NTRK2: variants seen among roughly 807,000 people sequenced by gnomAD.
NTRK2 encodes neurotrophic receptor tyrosine kinase 2.
Under a neutral mutation model 94.5 loss-of-function variants are expected in NTRK2, and 13 were observed. The observed-to-expected ratio is 0.14, with a 90% CI of 0.09 to 0.22. The LOEUF (loss-of-function observed/expected upper bound fraction) is 0.22, where lower values mean the gene tolerates loss of function less well. NTRK2 is among the 10% of genes least tolerant of loss of function. The probability of loss-of-function intolerance (pLI) is 1.00; values close to 1 mark genes in which losing one functional copy is unlikely to be tolerated. For missense variants in NTRK2, 639 were observed against 1,071.2 expected (o/e 0.60, Z 5.63); for synonymous variants, 372 against 407.4 (o/e 0.91, Z 1.05).
chr9:84,979,037 C>A (rs999758732), intron 17 of NTRK2, among the ~76,000 whole-genome samples: 5 of 152,256 alleles, frequency 3.3e-5, no homozygotes, highest in African/African-American at 1.2e-4. Flanking sequence ...GGTTACCCAA[C>A]AGCAATGATG....
chr9:84,818,682 G>A (rs1452363111), intron 12 of NTRK2, among the ~76,000 whole-genome samples: 1 of 152,168 alleles, frequency 6.6e-6, no homozygotes, highest in East Asian at 1.9e-4. Context: ...ATTGCCTTCA[G>A]GTGAATTTTC....
intron 12 of NTRK2, among the ~76,000 whole-genome samples, chr9:84,838,789 G>A (rs1277942377): frequency 6.6e-6 from 1 of 151,912 alleles, no homozygotes; most frequent in Non-Finnish European, 1.5e-5. Context: ...AATAAATGGT[G>A]GCTTATTTAC....
At chr9:85,002,953 G>C (rs891743430) in intron 17 of NTRK2, among the ~76,000 whole-genome samples, 13 of 152,212 alleles carry the variant, frequency 8.5e-5, no homozygotes, top group African/African-American at 3.1e-4. Context: ...AGGGGCTCCA[G>C]TAGGTGGCCT....
At chr9:84,950,055 G>A (rs2078727159) in intron 16 of NTRK2, among the ~76,000 whole-genome samples, 1 of 152,228 alleles carries the variant, frequency 6.6e-6, no homozygotes, top group Non-Finnish European at 1.5e-5. Context: ...GTGACCTCAG[G>A]CAAGTCTCTT....
intron 17 of NTRK2, among the ~76,000 whole-genome samples, chr9:85,009,614 C>G (rs919960351): frequency 3.3e-5 from 5 of 152,156 alleles, no homozygotes; most frequent in African/African-American, 9.7e-5. Flanking sequence ...GTCTTCAGCT[C>G]AGAGCATGGC....
At chr9:84,902,749 G>A (rs977280791) in intron 14 of NTRK2, among the ~76,000 whole-genome samples, 1 of 152,084 alleles carries the variant, frequency 6.6e-6, no homozygotes, top group African/African-American at 2.4e-5. Flanking sequence ...CTTTCTATGT[G>A]ATAACAGAGA....
rs1378527196 is a variant in NTRK2, at chr9:84,809,897, A to AG, written c.1397-51143_1397-51142insG. On this transcript the variant is annotated intron_variant, in intron 12 of 18. Transcript: ENST00000277120. ...ACTCTGTCTGGAAAAAAAAAAAAAA[A>AG]AAAAAGAAAGAAGAGAGAAGAATCT... 5.3e-5 allele frequency among the ~76,000 whole-genome samples: 8 copies of AG among 150,840 alleles called. No individual in the cohort carries two copies. The South Asian group carries it at 1.7e-3, about 32-fold the overall frequency.
At chr9:84,732,545 G>T (rs2062964313) in intron 9 of NTRK2, among the ~76,000 whole-genome samples, 1 of 152,114 alleles carries the variant, frequency 6.6e-6, no homozygotes, top group African/African-American at 2.4e-5. Flanking sequence ...CAATCCTTTG[G>T]TTATTTTCAG....
At chr9:84,745,987 G>A (rs2064032752) in intron 11 of NTRK2, among the ~76,000 whole-genome samples, 1 of 152,024 alleles carries the variant, frequency 6.6e-6, no homozygotes, top group South Asian at 2.1e-4. Context: ...ACTGTCATAT[G>A]CACACAGAGC....
chr9:84,905,727 C>T (rs911285547), intron 14 of NTRK2, among the ~76,000 whole-genome samples: 4 of 151,984 alleles, frequency 2.6e-5, no homozygotes, highest in Non-Finnish European at 5.9e-5. Context: ...CTGGGAGTGT[C>T]AGGTAGGTGG....
intron 12 of NTRK2, among the ~76,000 whole-genome samples, chr9:84,825,090 G>C (rs1249651750): frequency 2.0e-5 from 3 of 151,552 alleles, no homozygotes; most frequent in Non-Finnish European, 2.9e-5. Context: ...TCCAACTCCT[G>C]GATTACCCAG....
intron 14 of NTRK2, among the ~76,000 whole-genome samples, chr9:84,903,827 A>G (rs2077001427): frequency 6.6e-6 from 1 of 152,056 alleles, no homozygotes. Flanking sequence ...ATGCTTCATC[A>G]GTGAACCTGT....
chr9:84,815,522 T>TC, intron 12 of NTRK2: 1 of 1,016,012 alleles, frequency 9.8e-7, no homozygotes. Context: ...TGCCCTGTTT[T>TC]TTTTTTTTTT....
chr9:84,871,725 A>G, intron 14 of NTRK2: 2 of 1,397,026 alleles, frequency 1.4e-6, no homozygotes, highest in Non-Finnish European at 2.0e-6. Context: ...TTGTAGAGCA[A>G]TCTGAACAGG....
At chr9:84,772,281 T>C (rs1223035133) in intron 12 of NTRK2, among the ~76,000 whole-genome samples, 1 of 152,020 alleles carries the variant, frequency 6.6e-6, no homozygotes, top group East Asian at 1.9e-4. Flanking sequence ...AGACAGAGTC[T>C]CACTCTGTCA....
At chr9:84,690,686 T>C (rs34698491) in intron 2 of NTRK2, among the ~76,000 whole-genome samples, 4,115 of 151,358 alleles carry the variant, frequency 0.027, 71 homozygotes, top group Admixed American at 0.047. Flanking sequence ...GCCACTGCAC[T>C]CCAGCCTGGG....
chr9:84,838,366 G>A (rs1403023856), intron 12 of NTRK2, among the ~76,000 whole-genome samples: 1 of 152,128 alleles, frequency 6.6e-6, no homozygotes, highest in African/African-American at 2.4e-5. Context: ...CGAATTCATT[G>A]AGTGATGGTA....
At chr9:84,772,955 A>C (rs995717555) in intron 12 of NTRK2, among the ~76,000 whole-genome samples, 6 of 152,212 alleles carry the variant, frequency 3.9e-5, no homozygotes, top group Non-Finnish European at 8.8e-5. Context: ...TTGATACTGC[A>C]GGCACAGCAG....
intron 10 of NTRK2, among the ~76,000 whole-genome samples, 175 bp from the exon 11 acceptor site, chr9:84,744,798 G>A (rs1187095667): frequency 6.6e-6 from 1 of 152,134 alleles, no homozygotes; most frequent in Non-Finnish European, 1.5e-5. Flanking sequence ...CAGTCTCAGC[G>A]CTGCAGTGCA....
Sources: allele counts gnomAD v4.1 joint callset (sites outside exome capture counted in the v4.1 genomes callset), GRCh38; gene constraint gnomAD v4.1.1; transcripts MANE v1.5; gene names NCBI Gene and HGNC (gene_info 2026-07-23, HGNC 2026-07-21).